Variants in SIAH3 observed in about 807,000 individuals in gnomAD.
SIAH3 encodes seven in absentia homolog 3.
A neutral mutation model predicts 12.6 loss-of-function variants in SIAH3; 9 were observed. The ratio of observed to expected loss-of-function variants is 0.72; its 90% CI spans 0.43 to 1.25. The LOEUF is 1.25. Among genes scored for constraint, SIAH3 ranks in the 50% most tolerant of loss-of-function variants. SIAH3 has a pLI of 0.00. For missense variants in SIAH3, 390 were observed against 365.4 expected, an observed-to-expected ratio of 1.07 and a Z score of -0.55; for synonymous variants, 154 against 151.1, an observed-to-expected ratio of 1.02 and a Z score of -0.14.
At chr13:45,786,982 A>AG (rs1475922190) in intron 1 of SIAH3, among the ~76,000 whole-genome samples, 1 of 152,076 alleles carries the variant, frequency 6.6e-6, no homozygotes. Flanking sequence ...TGTACAGCTA[A>AG]TGTCAGAGAT....
At chr13:45,821,889 T>G (rs1009101686) in intron 1 of SIAH3, among the ~76,000 whole-genome samples, 3 of 152,220 alleles carry the variant, frequency 2.0e-5, no homozygotes, top group African/African-American at 7.2e-5. Context: ...GCCCAGTTGA[T>G]TTCTGCTTCT....
chr13:45,816,936 G>T (rs1950636744), intron 1 of SIAH3, among the ~76,000 whole-genome samples: 1 of 152,180 alleles, frequency 6.6e-6, no homozygotes, highest in Non-Finnish European at 1.5e-5. Context: ...CTAGATAATG[G>T]TTAGGAATTT....
chr13:45,850,271 A>G (rs565452559), intron 1 of SIAH3, among the ~76,000 whole-genome samples: 1 of 152,018 alleles, frequency 6.6e-6, no homozygotes, highest in Non-Finnish European at 1.5e-5. Context: ...AACTTCTAGG[A>G]GTGGGGGCAC....
At chr13:45,847,622 C>CGTGTGTGTGTGTGTGTGTGT (rs112078778) in intron 1 of SIAH3, among the ~76,000 whole-genome samples, 53 of 146,952 alleles carry the variant, frequency 3.6e-4, no homozygotes, top group Middle Eastern at 3.5e-3. Flanking sequence ...TCCATGTGTT[C>CGTGTGTGTGTGTGTGTGTGT]GTGTGTGTGT....
intron 1 of SIAH3, among the ~76,000 whole-genome samples, chr13:45,850,617 C>A (rs1271814072): frequency 6.6e-6 from 1 of 152,134 alleles, no homozygotes. Context: ...TCCCTACTAC[C>A]CCTAACCAGT....
At chr13:45,839,315 T>C (rs1412450610) in intron 1 of SIAH3, among the ~76,000 whole-genome samples, 2 of 152,166 alleles carry the variant, frequency 1.3e-5, no homozygotes, top group South Asian at 4.1e-4. Flanking sequence ...ATTTCCAATG[T>C]GGCCAACCAG....
At chr13:45,784,085 C>A (rs1428193073) in intron 1 of SIAH3, 28 bp from the exon 2 acceptor site, 3 of 1,540,358 alleles carry the variant, frequency 1.9e-6, no homozygotes, top group East Asian at 2.3e-5. Context: ...AACGTCAGTG[C>A]GGGGATGAGG....
chr13:45,790,774 C>A (rs1281766245), intron 1 of SIAH3, among the ~76,000 whole-genome samples: 1 of 152,218 alleles, frequency 6.6e-6, no homozygotes, highest in African/African-American at 2.4e-5. Flanking sequence ...TTGTCTGAGA[C>A]AATCAGCTGC....
rs945569526 is a variant in SIAH3, at chr13:45,849,626, G to T, written c.135+1869C>A. ...CACAGCTGGCCAGAGATGACTCAAGGCCTCCAACCCTGACTCTGAACTCCT... is the reference window on the plus strand; with the variant it reads ...CACAGCTGGCCAGAGATGACTCAAGTCCTCCAACCCTGACTCTGAACTCCT... On this transcript the variant is annotated intron_variant, in intron 1 of 1. Coordinates refer to ENST00000400405, the MANE Select transcript of SIAH3 (RefSeq NM_198849.3). Among the ~76,000 whole-genome samples, 4 of 152,218 alleles carry T rather than the reference G, an allele frequency of 2.6e-5. No homozygotes were observed. In the East Asian group the frequency reaches 7.7e-4, roughly 29 times the overall value.
Position 45,783,353 on chromosome 13 carries a change from C to A in SIAH3, c.*30G>T. 1 of 1,583,636 alleles carries A rather than the reference C, an allele frequency of 6.3e-7. No homozygotes were observed. The highest frequency in any genetic ancestry group is 8.6e-7 in the Non-Finnish European group (1 of 1,159,496). ...AGGTCCCAGGCGTTTCCTAGGGAGGCTGTGTGGGGAGCATCCGTGGCTCCT... is the reference window on the plus strand; with the variant it reads ...AGGTCCCAGGCGTTTCCTAGGGAGGATGTGTGGGGAGCATCCGTGGCTCCT... On this transcript the variant is annotated 3_prime_UTR_variant, in exon 2 of 2. Transcript: ENST00000400405.
chr13:45,849,915 G>C (rs939586597), intron 1 of SIAH3, among the ~76,000 whole-genome samples: 8 of 152,142 alleles, frequency 5.3e-5, no homozygotes, highest in Non-Finnish European at 7.4e-5. Context: ...AAAAATAATG[G>C]AAGTTTGAAT....
chr13:45,828,548 T>A (rs1224025337), intron 1 of SIAH3, among the ~76,000 whole-genome samples: 1 of 152,202 alleles, frequency 6.6e-6, no homozygotes, highest in Non-Finnish European at 1.5e-5. Flanking sequence ...TTTGCGAGAC[T>A]CAAAAACTGC....
chr13:45,827,655 G>T (rs945409119), intron 1 of SIAH3, among the ~76,000 whole-genome samples: 3 of 152,106 alleles, frequency 2.0e-5, no homozygotes, highest in Non-Finnish European at 4.4e-5. Context: ...ACAGACTAAT[G>T]AGTCCCATAG....
chr13:45,818,938 G>A (rs1458649544), intron 1 of SIAH3, among the ~76,000 whole-genome samples: 2 of 152,176 alleles, frequency 1.3e-5, no homozygotes, highest in African/African-American at 4.8e-5. Flanking sequence ...TCATGTGCTA[G>A]GGTGTTAGGG....
At chr13:45,818,279 T>C (rs1318940685) in intron 1 of SIAH3, among the ~76,000 whole-genome samples, 7 of 152,226 alleles carry the variant, frequency 4.6e-5, no homozygotes, top group Admixed American at 4.6e-4. Context: ...AAATTACTTG[T>C]GTTCATGTCC....
In SIAH3 at chr13:45,784,032, G is replaced by C. The variant is rs537228749; in HGVS notation, c.161C>G (p.Thr54Ser). The C allele has an allele frequency of 4.4e-6, 7 of 1,596,526 alleles. No homozygotes were observed. In the African/African-American group the frequency reaches 6.7e-5, roughly 15 times the overall value. The change falls in exon 2 of 2, where the codon ACT becomes AGT. Residue 54 changes from threonine (T) to serine (S), a missense_variant. Thr to Ser is a moderately conservative substitution (Grantham distance 58). Transcript: ENST00000400405. The stretch of plus-strand genomic sequence containing the variant: ...GCTGCCTTGCTCTGGAGCGCTCTGA[G>C]TGACGGCGCGCCGACTGGACACATA... ...LKYVSSRRAVTQSAPEQGSFH... is the reference protein window; with the variant it reads ...LKYVSSRRAVSQSAPEQGSFH...
intron 1 of SIAH3, among the ~76,000 whole-genome samples, chr13:45,786,219 G>A (rs751178075): frequency 1.3e-5 from 2 of 152,058 alleles, no homozygotes; most frequent in African/African-American, 2.4e-5. Context: ...CTGTCTGCAG[G>A]GCCGGTAGGC....
chr13:45,828,969 A>T (rs1950689025), intron 1 of SIAH3, among the ~76,000 whole-genome samples: 1 of 152,102 alleles, frequency 6.6e-6, no homozygotes. Flanking sequence ...AACTGCATTT[A>T]AAAAAATCCA....
In SIAH3 at chr13:45,839,834, AAAAC is replaced by A. The variant is rs201407925; in HGVS notation, c.135+11657_135+11660del. Among the ~76,000 whole-genome samples, 700 of 152,162 alleles carry A rather than the reference AAAAC, an allele frequency of 4.6e-3. 9 individuals are homozygous for A. The highest frequency in any genetic ancestry group is 0.016 in the African/African-American group (662 of 41,508). On this transcript the variant is annotated intron_variant, in intron 1 of 1. Transcript: ENST00000400405. ...GCAACAGAGTGAGACTCTGTCTCAA[AAAAC>A]AAACAAACAAACAAAAATCATTAAT...
Sources: gnomAD v4.1 joint callset for allele counts (sites outside exome capture counted in the v4.1 genomes callset) on GRCh38, gnomAD v4.1.1 for gene constraint, MANE v1.5 for transcripts, NCBI Gene and HGNC (gene_info 2026-07-23, HGNC 2026-07-21) for gene names.